Variants in SPRY3 observed in about 807,000 individuals in gnomAD.
The protein encoded by SPRY3 is protein sprouty homolog 3.
A neutral mutation model predicts 20.2 loss-of-function variants in SPRY3; 15 were observed. The ratio of observed to expected loss-of-function variants is 0.74; its 90% CI spans 0.50 to 1.14. The LOEUF (loss-of-function observed/expected upper bound fraction) is 1.14. SPRY3 is among the 50% of genes most tolerant of loss of function. The probability of loss-of-function intolerance (pLI) is 0.00; values close to 1 mark genes in which losing one functional copy is unlikely to be tolerated. For missense variants in SPRY3, 364 were observed against 363.9 expected (o/e 1.00, Z 0.00); for synonymous variants, 143 against 136.5 (o/e 1.05, Z -0.33).
At chrX:155,637,186 ATAAT>A (rs2067926545) in intron 1 of SPRY3, among the ~76,000 whole-genome samples, 1 of 110,438 alleles carries the variant, frequency 9.1e-6, no homozygotes, top group African/African-American at 3.3e-5. Context: ...AAGTATAATA[ATAAT>A]TAATAAAAAA....
intron 2 of SPRY3, among the ~76,000 whole-genome samples, chrX:155,754,453 T>C (rs1208899084): frequency 6.6e-6 from 1 of 152,086 alleles, no homozygotes; most frequent in Admixed American, 6.6e-5. Flanking sequence ...TGACTATATG[T>C]ATATCCTTAT....
exon 4 of SPRY3, chrX:155,775,802 G>A (rs2091421687): frequency 6.0e-6 from 1 of 167,112 alleles, no homozygotes; most frequent in African/African-American, 2.4e-5. Flanking sequence ...AAAGGATACA[G>A]AGGTATGTTC....
At chrX:155,696,955 T>C (rs2068120824) in intron 2 of SPRY3, among the ~76,000 whole-genome samples, 1 of 111,651 alleles carries the variant, frequency 9.0e-6, no homozygotes, top group African/African-American at 3.3e-5. Context: ...AATCTAGTAA[T>C]GGGTACTTAC....
At chrX:155,776,035 A>G (rs2091423197) in exon 4 of SPRY3, 1 of 166,810 alleles carries the variant, frequency 6.0e-6, no homozygotes, top group Admixed American at 6.6e-5. Context: ...AGGCCTTCTG[A>G]CTCCTAGTTC....
At position 155,678,688 on chromosome X, in the gene SPRY3, CTG is replaced by C. The variant is rs1290309982; in HGVS notation, c.-282+21666_-282+21667del. Among the ~76,000 whole-genome samples the C allele has an allele frequency of 4.7e-4, 52 of 111,596 alleles. 1 individual carries two copies. The Admixed American group carries it at 5.0e-3, about 11-fold the overall frequency. On this transcript the variant is annotated intron_variant, in intron 2 of 3. Transcript: ENST00000675360. ...TGAAGTGAGGGAAAGAAACAGAAAACTGTGATGCCTTGCAAACTGTGCAAGTT... is the reference window on the plus strand; with the variant it reads ...TGAAGTGAGGGAAAGAAACAGAAAACTGATGCCTTGCAAACTGTGCAAGTT...
At chrX:155,722,393 T>G (rs2091065388) in intron 2 of SPRY3, among the ~76,000 whole-genome samples, 1 of 152,008 alleles carries the variant, frequency 6.6e-6, no homozygotes, top group Non-Finnish European at 1.5e-5. Context: ...TGGTGGCACA[T>G]GCCTGTGGTC....
intron 2 of SPRY3, among the ~76,000 whole-genome samples, chrX:155,675,624 C>G (rs1170727120): frequency 9.0e-6 from 1 of 111,586 alleles, no homozygotes; most frequent in Admixed American, 9.5e-5. Flanking sequence ...ATCCAAATGA[C>G]TATAAATTAG....
intron 2 of SPRY3, among the ~76,000 whole-genome samples, chrX:155,709,630 G>GAT (rs2090973320): frequency 6.6e-6 from 1 of 151,668 alleles, no homozygotes; most frequent in African/African-American, 2.4e-5. Flanking sequence ...TCACTTTGTT[G>GAT]ATTGTATTCT....
At chrX:155,720,934 G>A (rs1477037848) in intron 2 of SPRY3, among the ~76,000 whole-genome samples, 1 of 152,074 alleles carries the variant, frequency 6.6e-6, no homozygotes. Flanking sequence ...CTCACTAAAT[G>A]AGCTAAATAA....
At chrX:155,762,588 ATCT>A (rs1318034454) in intron 2 of SPRY3, among the ~76,000 whole-genome samples, 2 of 152,160 alleles carry the variant, frequency 1.3e-5, no homozygotes, top group Non-Finnish European at 2.9e-5. Context: ...TTGTGATGTC[ATCT>A]CAAATAAAAG....
intron 2 of SPRY3, among the ~76,000 whole-genome samples, chrX:155,760,208 C>A (rs1167962030): frequency 6.6e-6 from 1 of 152,176 alleles, no homozygotes; most frequent in Non-Finnish European, 1.5e-5. Flanking sequence ...CTTACATTAT[C>A]TCAAGTCATT....
chrX:155,692,180 AGCT>A (rs2068104536), intron 2 of SPRY3, among the ~76,000 whole-genome samples: 1 of 109,447 alleles, frequency 9.1e-6, no homozygotes, highest in African/African-American at 3.4e-5. Context: ...AAATGGGTAC[AGCT>A]TTATATTTTA....
rs1405345292 is a variant in SPRY3 at position 155,672,652 on chromosome X, T to C, written c.-282+15627T>C. Among the ~76,000 whole-genome samples, 33 of 108,659 alleles carry C rather than the reference T, an allele frequency of 3.0e-4. 1 individual carries two copies. The highest frequency in any genetic ancestry group is 1.1e-3 in the African/African-American group (33 of 29,271). The allele number at this position is 108,659 out of a possible 115,157, so 94.4% of individuals were successfully genotyped here. ...CTAGTTCAACCATTGTGGAAGTCAGTGTGGTGATTCCTCAAGGATCTAGAA... is the reference window on the plus strand; with the variant it reads ...CTAGTTCAACCATTGTGGAAGTCAGCGTGGTGATTCCTCAAGGATCTAGAA... On this transcript the variant is annotated intron_variant, in intron 2 of 3. Coordinates refer to ENST00000675360, the Ensembl canonical transcript of SPRY3.
At chrX:155,743,378 G>C (rs2091212393) in intron 2 of SPRY3, among the ~76,000 whole-genome samples, 1 of 152,066 alleles carries the variant, frequency 6.6e-6, no homozygotes, top group Admixed American at 6.6e-5. Flanking sequence ...TCTCCTCCAA[G>C]AGCTTCTGTT....
chrX:155,753,029 T>A (rs1033387508), intron 2 of SPRY3, among the ~76,000 whole-genome samples: 5 of 151,894 alleles, frequency 3.3e-5, no homozygotes. Flanking sequence ...GAGTCAAATA[T>A]AACAGGAGTC....
chrX:155,767,459 A>G (rs2091340166), intron 2 of SPRY3, among the ~76,000 whole-genome samples: 1 of 151,984 alleles, frequency 6.6e-6, no homozygotes. Flanking sequence ...CTCCGTTGAG[A>G]TACCCTGTGT....
chrX:155,724,896 C>T (rs1410086062), intron 2 of SPRY3, among the ~76,000 whole-genome samples: 5 of 151,742 alleles, frequency 3.3e-5, no homozygotes, highest in Non-Finnish European at 5.9e-5. Context: ...TGTCTTGTGC[C>T]GGTTTTCAAA....
chrX:155,768,657 C>G (rs1483806921), intron 3 of SPRY3, among the ~76,000 whole-genome samples: 1 of 152,140 alleles, frequency 6.6e-6, no homozygotes, highest in African/African-American at 2.4e-5. Context: ...GCAGAACCCC[C>G]CACTTACATT....
At chrX:155,621,812 C>A (rs2067871870) in intron 1 of SPRY3, among the ~76,000 whole-genome samples, 1 of 111,658 alleles carries the variant, frequency 9.0e-6, no homozygotes, top group Admixed American at 9.6e-5. Flanking sequence ...TCCAGAGCAG[C>A]CAAAGGTATT....
Sources: gnomAD v4.1 joint callset for allele counts (sites outside exome capture counted in the v4.1 genomes callset) on GRCh38, gnomAD v4.1.1 for gene constraint, MANE v1.5 for transcripts, NCBI Gene and HGNC (gene_info 2026-07-23, HGNC 2026-07-21) for gene names.